Variants in KIAA1217 observed in about 807,000 individuals in gnomAD.
The protein encoded by KIAA1217 is sickle tail protein homolog.
In KIAA1217, 88 loss-of-function variants were observed where a neutral mutation model predicts 163.9. The ratio of observed to expected loss-of-function variants is 0.54; its 90% confidence interval spans 0.45 to 0.64. KIAA1217 has a LOEUF of 0.64. Ranked by LOEUF, KIAA1217 falls within the 30% of genes least tolerant of loss-of-function variation. The pLI, the probability that KIAA1217 is intolerant of heterozygous loss-of-function variation, is 0.00. For missense variants in KIAA1217, 2,372 were observed against 2,475.0 expected (o/e 0.96, Z 0.88); for synonymous variants, 903 against 923.1 (o/e 0.98, Z 0.39).
intron 1 of KIAA1217, among the ~76,000 whole-genome samples, chr10:23,760,855 A>G (rs952033437): frequency 6.6e-6 from 1 of 152,212 alleles, no homozygotes; most frequent in Admixed American, 6.5e-5. Context: ...CAGTGAAAAA[A>G]AGAAAAGTTC....
chr10:24,106,993 C>A (rs2062656912), intron 2 of KIAA1217, among the ~76,000 whole-genome samples: 1 of 152,090 alleles, frequency 6.6e-6, no homozygotes, highest in African/African-American at 2.4e-5. Context: ...AGGTAATGAC[C>A]ATAGTACCCA....
intron 1 of KIAA1217, among the ~76,000 whole-genome samples, chr10:23,981,369 C>A (rs958742059): frequency 6.6e-6 from 1 of 152,098 alleles, no homozygotes; most frequent in African/African-American, 2.4e-5. Context: ...AGAAAGCATC[C>A]ACTAGATTTA....
chr10:24,255,223 C>T (rs2075015183), intron 2 of KIAA1217: 1 of 220,542 alleles, frequency 4.5e-6, no homozygotes, highest in African/African-American at 2.3e-5. Flanking sequence ...GGAAAAGAGA[C>T]CCATTCTTGC....
intron 2 of KIAA1217, among the ~76,000 whole-genome samples, chr10:24,114,169 G>A (rs773686751): frequency 2.6e-5 from 4 of 152,170 alleles, no homozygotes; most frequent in Non-Finnish European, 5.9e-5. Flanking sequence ...CTGGCTGCAA[G>A]GGAGTCTGAG....
intron 2 of KIAA1217, among the ~76,000 whole-genome samples, chr10:24,233,209 CA>C (rs1204209792): frequency 6.6e-6 from 1 of 152,108 alleles, no homozygotes; most frequent in Non-Finnish European, 1.5e-5. Flanking sequence ...CACTCATGAC[CA>C]AAAGGGGAGC....
chr10:23,919,814 G>A (rs1213393838), intron 1 of KIAA1217, among the ~76,000 whole-genome samples: 2 of 152,096 alleles, frequency 1.3e-5, no homozygotes, highest in Non-Finnish European at 2.9e-5. Context: ...ATCTAGAGGA[G>A]CCTCTTCAAC....
At chr10:24,268,190 A>G (rs935261692) in intron 2 of KIAA1217, among the ~76,000 whole-genome samples, 8 of 152,196 alleles carry the variant, frequency 5.3e-5, no homozygotes, top group Admixed American at 2.0e-4. Context: ...GGTCGCCTAT[A>G]TTGACTTTTC....
intron 1 of KIAA1217, among the ~76,000 whole-genome samples, chr10:23,969,445 C>T (rs1845212380): frequency 6.6e-6 from 1 of 152,240 alleles, no homozygotes; most frequent in Admixed American, 6.5e-5. Flanking sequence ...CCCACAACCT[C>T]ACCAAAATTT....
At chr10:24,346,629 G>T (rs2047823098) in intron 2 of KIAA1217, among the ~76,000 whole-genome samples, 1 of 132,112 alleles carries the variant, frequency 7.6e-6, no homozygotes, top group African/African-American at 2.9e-5. Flanking sequence ...GAAGTGCAGT[G>T]GTGTGATCTC....
At chr10:24,536,336 T>C (rs1027267750) in intron 16 of KIAA1217, among the ~76,000 whole-genome samples, 1 of 152,182 alleles carries the variant, frequency 6.6e-6, no homozygotes, top group African/African-American at 2.4e-5. Flanking sequence ...ATTGTAAGAC[T>C]TAAAGGTTTA....
At chr10:23,885,760 G>A (rs1841143180) in intron 1 of KIAA1217, among the ~76,000 whole-genome samples, 1 of 151,900 alleles carries the variant, frequency 6.6e-6, no homozygotes, top group Non-Finnish European at 1.5e-5. Context: ...TTCAGTCGAT[G>A]ACAGAGCAAT....
intron 1 of KIAA1217, among the ~76,000 whole-genome samples, chr10:23,997,053 T>C (rs1400765793): frequency 1.3e-5 from 2 of 152,240 alleles, no homozygotes; most frequent in Non-Finnish European, 2.9e-5. Context: ...CACAGCTTCA[T>C]GGTCTAACCT....
At chr10:24,161,101 T>A (rs1156587847) in intron 2 of KIAA1217, among the ~76,000 whole-genome samples, 1 of 152,168 alleles carries the variant, frequency 6.6e-6, no homozygotes, top group Non-Finnish European at 1.5e-5. Context: ...CAGCCCTACC[T>A]CCCTAAAGAA....
At chr10:24,184,731 A>G (rs1253339027) in intron 2 of KIAA1217, among the ~76,000 whole-genome samples, 1 of 152,210 alleles carries the variant, frequency 6.6e-6, no homozygotes, top group Non-Finnish European at 1.5e-5. Context: ...TACTGGCAGT[A>G]TTCAATTCAA....
Position 24,520,253 on chromosome 10 carries a change from G to C in KIAA1217, c.2308G>C (p.Gly770Arg). 6.2e-7 allele frequency: 1 copy of C among 1,613,914 alleles called. No homozygotes were observed. Among genetic ancestry groups the C allele is most frequent in the Non-Finnish European group, 8.5e-7 (1 of 1,179,886 alleles). ...QVGEAVATLK[G>R]EFPTLQNKMR... ...GGGAGAGGCTGTAGCTACCCTGAAA[G>C]GTAAACTTTCTGCTGGGTCGGGGGA... The change falls in exon 11 of 21, where the codon GGA (glycine) becomes CGA (arginine). Residue 770 changes from glycine to arginine, a missense_variant and splice_region_variant. By Grantham distance (125) the Gly-to-Arg change is moderately radical. This residue lies in a region of KIAA1217 where 1,431 missense variants were observed against 1,470.3 expected (regional missense o/e 0.97). Transcript: ENST00000376454.
At chr10:24,028,389 A>T (rs1848051922) in intron 2 of KIAA1217, among the ~76,000 whole-genome samples, 1 of 152,320 alleles carries the variant, frequency 6.6e-6, no homozygotes, top group South Asian at 2.1e-4. Flanking sequence ...AGATACATAC[A>T]TACATAAATC....
intron 3 of KIAA1217, among the ~76,000 whole-genome samples, chr10:24,396,880 G>T (rs2055836539): frequency 2.0e-5 from 3 of 152,182 alleles, no homozygotes; most frequent in Non-Finnish European, 4.4e-5. Flanking sequence ...CGCCACTTCA[G>T]ATTTAAAGAC....
At chr10:24,277,326 A>G (rs967414583) in intron 2 of KIAA1217, among the ~76,000 whole-genome samples, 5 of 152,164 alleles carry the variant, frequency 3.3e-5, no homozygotes, top group African/African-American at 1.2e-4. Flanking sequence ...GTTCCCACTC[A>G]AAGTGGAGCA....
chr10:24,347,162 C>T (rs190622013), intron 2 of KIAA1217, among the ~76,000 whole-genome samples: 6 of 152,242 alleles, frequency 3.9e-5, no homozygotes, highest in African/African-American at 1.4e-4. Flanking sequence ...AGATAAAGGT[C>T]GCAACCACTT....
Sources: allele counts gnomAD v4.1 joint callset (sites outside exome capture counted in the v4.1 genomes callset), GRCh38; gene constraint gnomAD v4.1.1; regional missense constraint gnomAD v4.1.1; transcripts MANE v1.5; gene names NCBI Gene and HGNC (gene_info 2026-07-23, HGNC 2026-07-21).